ZNF670: variants seen among roughly 807,000 people sequenced by gnomAD.
The protein encoded by ZNF670 is zinc finger protein 670.
ZNF670 carries 7 observed loss-of-function variants against 10.9 expected under a neutral mutation model. That is an observed-to-expected ratio of 0.64 (90% CI 0.36 to 1.20). The LOEUF (loss-of-function observed/expected upper bound fraction) is 1.20. ZNF670 is among the 50% of genes most tolerant of loss of function. The pLI is 0.02. For missense variants in ZNF670, 446 were observed against 458.6 expected (o/e 0.97, Z 0.25); for synonymous variants, 136 against 152.7 (o/e 0.89, Z 0.81).
At chr1:247,044,830 G>C (rs1670400683) in intron 1 of ZNF670, among the ~76,000 whole-genome samples, 1 of 152,010 alleles carries the variant, frequency 6.6e-6, no homozygotes, top group African/African-American at 2.4e-5. Context: ...GAAAGTGAGA[G>C]TCAAAAAACT....
In ZNF670 at chr1:247,062,753, G is replaced by T. The variant is rs151116273; in HGVS notation, c.3+15841C>A. ...CCCTTCTCTGTTAATATCCCAAAAG[G>T]TTAGCATTTTAGATGAAGGGTCTAT... On this transcript the variant is annotated intron_variant, in intron 1 of 3. Coordinates refer to ENST00000366503, the MANE Select transcript of ZNF670 (RefSeq NM_033213.5). 8.4e-4 allele frequency among the ~76,000 whole-genome samples: 128 copies of T among 152,254 alleles called. No individual in the cohort carries two copies. The East Asian group carries it at 0.02, about 23-fold the overall frequency.
intron 1 of ZNF670, among the ~76,000 whole-genome samples, chr1:247,076,189 T>G (rs1449773845): frequency 6.6e-6 from 1 of 151,936 alleles, no homozygotes; most frequent in African/African-American, 2.4e-5. Flanking sequence ...ACAGGCCCAT[T>G]CTCCTCACAG....
chr1:247,044,498 A>C (rs1029898610), intron 1 of ZNF670, among the ~76,000 whole-genome samples: 1 of 152,240 alleles, frequency 6.6e-6, no homozygotes, highest in African/African-American at 2.4e-5. Flanking sequence ...AAGAAGACAC[A>C]TGTACCTGTA....
intron 1 of ZNF670, among the ~76,000 whole-genome samples, chr1:247,072,168 T>G (rs1671133229): frequency 6.6e-6 from 1 of 151,856 alleles, no homozygotes; most frequent in Admixed American, 6.6e-5. Context: ...CTTTTTTTTT[T>G]TAAACAGCGT....
intron 1 of ZNF670, among the ~76,000 whole-genome samples, chr1:247,069,155 A>C (rs1345950906): frequency 6.6e-6 from 1 of 151,162 alleles, no homozygotes; most frequent in African/African-American, 2.5e-5. Flanking sequence ...ATGATAACTT[A>C]ATTGTACATT....
rs192052590 is a variant in ZNF670 at position 247,036,473 on chromosome 1, C to T, written c.*976G>A. On this transcript the variant is annotated 3_prime_UTR_variant, in exon 4 of 4. Coordinates refer to ENST00000366503, the MANE Select transcript of ZNF670 (RefSeq NM_033213.5). ...TTCAATACCAGCCTAGACAATACAG[C>T]GAGATCCCATCTCTATAAAAAATTT... Among the ~76,000 whole-genome samples, 236 of 152,088 alleles carry T rather than the reference C, an allele frequency of 1.6e-3. 2 individuals are homozygous for T. Among genetic ancestry groups the T allele is most frequent in the African/African-American group, 5.3e-3 (221 of 41,472 alleles).
intron 1 of ZNF670, among the ~76,000 whole-genome samples, chr1:247,051,694 C>T (rs1670599778): frequency 6.6e-6 from 1 of 152,094 alleles, no homozygotes; most frequent in Non-Finnish European, 1.5e-5. Flanking sequence ...TCAATTATTT[C>T]CTCAAATAAG....
At chr1:247,054,211 G>A (rs953570376) in intron 1 of ZNF670, among the ~76,000 whole-genome samples, 3 of 152,170 alleles carry the variant, frequency 2.0e-5, no homozygotes, top group Admixed American at 6.5e-5. Context: ...AGTGCTCTGC[G>A]GCCCTAAATA....
intron 1 of ZNF670, among the ~76,000 whole-genome samples, chr1:247,067,970 CAAT>C (rs1326923363): frequency 6.7e-6 from 1 of 148,994 alleles, no homozygotes; most frequent in Non-Finnish European, 1.5e-5. Context: ...TTAATAACCA[CAAT>C]ATATAAGAAG....
chr1:247,054,507 C>A (rs1387804675), intron 1 of ZNF670, among the ~76,000 whole-genome samples: 1 of 152,254 alleles, frequency 6.6e-6, no homozygotes, highest in Admixed American at 6.5e-5. Flanking sequence ...GTGAGGCCCA[C>A]ATTTTAGGCC....
chr1:247,072,587 C>G (rs1356114124), intron 1 of ZNF670, among the ~76,000 whole-genome samples: 1 of 151,380 alleles, frequency 6.6e-6, no homozygotes, highest in East Asian at 2.0e-4. Context: ...GAATTCGAGA[C>G]CAGCCTGGCC....
intron 1 of ZNF670, chr1:247,043,395 C>A: frequency 1.9e-6 from 1 of 539,340 alleles, no homozygotes; most frequent in Non-Finnish European, 3.4e-6. Context: ...AAAGAAAGTT[C>A]ACCTAACTGA....
chr1:247,044,544 CGGA>C (rs1317997937), intron 1 of ZNF670, among the ~76,000 whole-genome samples: 1 of 152,140 alleles, frequency 6.6e-6, no homozygotes, highest in Non-Finnish European at 1.5e-5. Context: ...ATCAAAGACA[CGGA>C]ATCAATCCAA....
intron 1 of ZNF670, among the ~76,000 whole-genome samples, chr1:247,073,050 A>C (rs1411280023): frequency 1.3e-5 from 2 of 152,084 alleles, no homozygotes; most frequent in Admixed American, 6.5e-5. Context: ...AAGTTAGAAA[A>C]GATCAGAACA....
At chr1:247,046,677 C>G (rs968409292) in intron 1 of ZNF670, among the ~76,000 whole-genome samples, 2 of 152,148 alleles carry the variant, frequency 1.3e-5, no homozygotes, top group African/African-American at 4.8e-5. Context: ...GAGGATGAAG[C>G]CCCCACACAG....
chr1:247,054,638 G>C (rs1670675642), intron 1 of ZNF670, among the ~76,000 whole-genome samples: 1 of 152,198 alleles, frequency 6.6e-6, no homozygotes, highest in African/African-American at 2.4e-5. Context: ...AGTGGGCCCT[G>C]AATAACCACA....
intron 1 of ZNF670, among the ~76,000 whole-genome samples, chr1:247,072,799 T>TATA (rs1671156553): frequency 3.4e-5 from 1 of 29,542 alleles, no homozygotes; most frequent in Non-Finnish European, 6.1e-5. Context: ...AAAAAAAAAG[T>TATA]GTGTGTATAT....
intron 1 of ZNF670, among the ~76,000 whole-genome samples, chr1:247,064,439 A>G (rs551872735): frequency 6.6e-6 from 1 of 152,316 alleles, no homozygotes; most frequent in South Asian, 2.1e-4. Flanking sequence ...GTGGGGCCCA[A>G]TGAGGCCAGA....
chr1:247,042,256 C>T (rs530971914), intron 1 of ZNF670, among the ~76,000 whole-genome samples: 16 of 152,168 alleles, frequency 1.1e-4, no homozygotes, highest in Non-Finnish European at 2.1e-4. Context: ...GCTCAGCAAG[C>T]AGCTAAAGTA....
Sources: gnomAD v4.1 joint callset for allele counts (sites outside exome capture counted in the v4.1 genomes callset) on GRCh38, gnomAD v4.1.1 for gene constraint, MANE v1.5 for transcripts, NCBI Gene and HGNC (gene_info 2026-07-23, HGNC 2026-07-21) for gene names.